The following RIMS2 variants were observed in gnomAD, a reference collection of about 807,000 sequenced individuals.
RIMS2 encodes the protein regulating synaptic membrane exocytosis 2, also known as regulating synaptic membrane exocytosis protein 2.
Under a neutral mutation model 174.4 loss-of-function variants are expected in RIMS2, and 59 were observed. The ratio of observed to expected loss-of-function variants is 0.34; its 90% confidence interval spans 0.27 to 0.42. The LOEUF is 0.42. Among genes scored for constraint, RIMS2 ranks in the 10% least tolerant of loss-of-function variants. The pLI, the probability that RIMS2 is intolerant of heterozygous loss-of-function variation, is 1.00. For synonymous variants in RIMS2, 606 were observed against 572.5 expected, an observed-to-expected ratio of 1.06 and a Z score of -0.84; for missense variants, 1,620 against 1,666.3, an observed-to-expected ratio of 0.97 and a Z score of 0.48.
intron 1 of RIMS2, among the ~76,000 whole-genome samples, chr8:103,636,291 G>T (rs1382520469): frequency 6.6e-6 from 1 of 152,146 alleles, no homozygotes; most frequent in Non-Finnish European, 1.5e-5. Context: ...GTGCACAGAA[G>T]TCTAACCTCC....
intron 3 of RIMS2, among the ~76,000 whole-genome samples, chr8:103,771,326 A>G (rs1299926045): frequency 6.6e-6 from 1 of 152,210 alleles, no homozygotes; most frequent in Admixed American, 6.5e-5. Context: ...AAAATTAGTG[A>G]AAACTAAAGT....
chr8:103,768,921 C>T (rs543831262), intron 3 of RIMS2: 2 of 451,604 alleles, frequency 4.4e-6, no homozygotes, highest in East Asian at 1.0e-4. Context: ...AACTTTTGGC[C>T]AAGAGAATGA....
chr8:103,805,058 C>T (rs1424366363), intron 3 of RIMS2, among the ~76,000 whole-genome samples: 2 of 151,924 alleles, frequency 1.3e-5, no homozygotes, highest in Admixed American at 6.6e-5. Context: ...CCTCTTAAAG[C>T]GCTGGCATTA....
intron 1 of RIMS2, among the ~76,000 whole-genome samples, chr8:103,552,958 G>A (rs1258206933): frequency 2.0e-5 from 3 of 152,310 alleles, no homozygotes; most frequent in East Asian, 3.9e-4. Context: ...AGGTGCTGGA[G>A]AGGATGTGGA....
At chr8:103,853,189 A>T (rs11991936) in intron 3 of RIMS2, among the ~76,000 whole-genome samples, 4,734 of 151,668 alleles carry the variant, frequency 0.031, 222 homozygotes, top group African/African-American at 0.11. Flanking sequence ...GATGCTGAGC[A>T]TTTTTTTTGT....
At chr8:104,233,133 A>G (rs1457740932) in intron 19 of RIMS2, among the ~76,000 whole-genome samples, 1 of 152,190 alleles carries the variant, frequency 6.6e-6, no homozygotes, top group African/African-American at 2.4e-5. Context: ...GGCATTCTCA[A>G]TTTTAACTTT....
chr8:104,005,398 T>G (rs2095537785), intron 17 of RIMS2, among the ~76,000 whole-genome samples: 1 of 152,170 alleles, frequency 6.6e-6, no homozygotes, highest in African/African-American at 2.4e-5. Flanking sequence ...CTTCTGCAGA[T>G]GAAGGCTACA....
intron 19 of RIMS2, among the ~76,000 whole-genome samples, chr8:104,028,138 A>AC (rs1422289345): frequency 6.6e-6 from 1 of 151,896 alleles, no homozygotes; most frequent in East Asian, 1.9e-4. Flanking sequence ...TAAAAAAAAA[A>AC]AGATCTAAAG....
chr8:103,943,409 G>A (rs2082999284), intron 14 of RIMS2, among the ~76,000 whole-genome samples: 1 of 152,010 alleles, frequency 6.6e-6, no homozygotes, highest in South Asian at 2.1e-4. Flanking sequence ...TTACACTTTA[G>A]AACTGTATGT....
intron 19 of RIMS2, among the ~76,000 whole-genome samples, chr8:104,230,617 G>T (rs1240760348): frequency 6.6e-6 from 1 of 152,164 alleles, no homozygotes; most frequent in Admixed American, 6.5e-5. Context: ...CTGCACTCCA[G>T]CCTGGGCGAC....
chr8:103,955,644 A>G (rs1481534137), intron 14 of RIMS2, among the ~76,000 whole-genome samples: 1 of 152,224 alleles, frequency 6.6e-6, no homozygotes, highest in African/African-American at 2.4e-5. Context: ...AGCCAATATC[A>G]TACTGAATTG....
chr8:103,513,148 T>A (rs1432944102), intron 1 of RIMS2, among the ~76,000 whole-genome samples: 1 of 152,180 alleles, frequency 6.6e-6, no homozygotes, highest in Non-Finnish European at 1.5e-5. Context: ...CTGCCTGCAG[T>A]CGGCAAGTGC....
intron 1 of RIMS2, among the ~76,000 whole-genome samples, chr8:103,583,586 C>G (rs1482288169): frequency 6.6e-6 from 1 of 152,108 alleles, no homozygotes; most frequent in African/African-American, 2.4e-5. Flanking sequence ...ATAAATTTAA[C>G]AGAGATTGCA....
chr8:103,851,176 G>A (rs1002891148), intron 3 of RIMS2, among the ~76,000 whole-genome samples: 5 of 151,888 alleles, frequency 3.3e-5, no homozygotes, highest in African/African-American at 1.2e-4. Context: ...AAAGGGAAAT[G>A]AAGTGACCAG....
At chr8:104,254,956 T>C (rs909146165), downstream of RIMS2, 1 of 152,190 alleles carries the variant, frequency 6.6e-6, no homozygotes, top group East Asian at 1.9e-4. Flanking sequence ...TGGATATGAA[T>C]GGGTGAGAGG....
At chr8:104,225,750 C>T (rs2441790) in intron 19 of RIMS2, among the ~76,000 whole-genome samples, 114,610 of 152,100 alleles carry the variant, frequency 0.75, 44,449 homozygotes, top group African/African-American at 0.94. Context: ...GCTTCTTAAG[C>T]TGCCAAGACA....
intron 19 of RIMS2, among the ~76,000 whole-genome samples, chr8:104,175,795 A>C (rs925533423): frequency 1.3e-5 from 2 of 152,148 alleles, no homozygotes; most frequent in African/African-American, 4.8e-5. Flanking sequence ...AAAATTGAAG[A>C]AGCATCACCA....
intron 19 of RIMS2, among the ~76,000 whole-genome samples, chr8:104,074,069 C>T (rs1318286229): frequency 6.6e-6 from 1 of 152,196 alleles, no homozygotes; most frequent in Non-Finnish European, 1.5e-5. Context: ...ACTGAGAAGA[C>T]ATATTCAGTG....
intron 19 of RIMS2, chr8:104,223,480 A>C: frequency 7.3e-7 from 1 of 1,375,682 alleles, no homozygotes; most frequent in Non-Finnish European, 9.3e-7. Flanking sequence ...GGCGGCCAGG[A>C]AAGCCACGTC....
Sources: gnomAD v4.1 joint callset for allele counts (sites outside exome capture counted in the v4.1 genomes callset) on GRCh38, gnomAD v4.1.1 for gene constraint, MANE v1.5 for transcripts, NCBI Gene and HGNC (gene_info 2026-07-23, HGNC 2026-07-21) for gene names.